Variants in SLC47A1 observed in about 807,000 individuals in gnomAD.
SLC47A1 encodes solute carrier family 47 member 1, also known as multidrug and toxin extrusion protein 1.
Under a neutral mutation model 65.8 loss-of-function variants are expected in SLC47A1, and 58 were observed. The observed-to-expected ratio is 0.88, with a 90% CI of 0.71 to 1.10. SLC47A1 has a LOEUF of 1.10. SLC47A1 is among the 50% of genes least tolerant of loss of function. The probability of loss-of-function intolerance (pLI) is 0.00; values close to 1 mark genes in which losing one functional copy is unlikely to be tolerated. For synonymous variants in SLC47A1, 285 were observed against 295.0 expected (o/e 0.97, Z 0.35); for missense variants, 706 against 719.2 (o/e 0.98, Z 0.21).
chr17:19,559,913 C>T (rs2084293925), intron 10 of SLC47A1, among the ~76,000 whole-genome samples: 1 of 152,072 alleles, frequency 6.6e-6, no homozygotes, highest in African/African-American at 2.4e-5. Flanking sequence ...CCCCCGACAC[C>T]CAGAGGAGGA....
chr17:19,576,496 A>G (rs1020893651), intron 16 of SLC47A1, among the ~76,000 whole-genome samples: 1 of 151,136 alleles, frequency 6.6e-6, no homozygotes, highest in African/African-American at 2.4e-5. Flanking sequence ...GACTATAGGC[A>G]TACGCCATCA....
chr17:19,567,243 C>T lies in SLC47A1; in HGVS notation c.1309+15C>T. 6.2e-7 allele frequency: 1 copy of T among 1,614,124 alleles called. No homozygotes were observed. Among genetic ancestry groups the T allele is most frequent in the Non-Finnish European group, 8.5e-7 (1 of 1,180,030 alleles). ...TGGAGTGATGGGTAAGCTCTAACCT[C>T]TGCAGGCAGGGCTTAGCTGCTCACC... On this transcript the variant is annotated intron_variant, in intron 14 of 16. Coordinates refer to ENST00000270570, the MANE Select transcript of SLC47A1 (RefSeq NM_018242.3).
intron 14 of SLC47A1, among the ~76,000 whole-genome samples, chr17:19,569,480 T>C (rs541294896): frequency 6.6e-6 from 1 of 152,298 alleles, no homozygotes; most frequent in East Asian, 1.9e-4. Context: ...AAGCCTATAG[T>C]CAATCCCCCC....
At chr17:19,546,352 A>G (rs1916290206) in intron 2 of SLC47A1, 83 bp from the exon 3 acceptor site, 1 of 1,365,758 alleles carries the variant, frequency 7.3e-7, no homozygotes, top group Admixed American at 1.9e-5. Context: ...GGAGCTTTGC[A>G]GGCTCTTATC....
rs67441443 is a variant in SLC47A1, at chr17:19,557,897, CAAA to C, written c.921+1850_921+1852del. On this transcript the variant is annotated intron_variant, in intron 10 of 16. Transcript: ENST00000270570. ...GTAAATAAAAGTTATACTTTCCCTC[CAAA>C]AAAAAAAAAAAAAAGATTCATAAAA... 3.3e-3 allele frequency: 470 copies of C among 142,724 alleles called. 1 individual carries two copies. Among genetic ancestry groups the C allele is most frequent in the South Asian group, 0.012 (64 of 5,556 alleles). The allele number at this position is 142,724 out of a possible 1,614,324, so 8.8% of individuals were successfully genotyped here. A position where few individuals can be genotyped will look rare whatever the true frequency, so the allele number is the denominator to read the frequency against.
intron 2 of SLC47A1, among the ~76,000 whole-genome samples, chr17:19,545,499 TTTTTTTTTTG>T (rs1916263585): frequency 6.7e-6 from 1 of 148,632 alleles, no homozygotes; most frequent in Non-Finnish European, 1.5e-5. Flanking sequence ...GCCAGAAATT[TTTTTTTTTTG>T]AGACAGGGTC....
Position 19,560,449 on chromosome 17 carries a change from G to A in SLC47A1, c.1062G>A (p.Leu354=), listed in dbSNP as rs772322687. 6.8e-6 allele frequency: 11 copies of A among 1,614,078 alleles called. No homozygotes were observed. In the South Asian group the frequency reaches 1.1e-4, roughly 16 times the overall value. ...VLFAVAFSVL[L]LSCKDHVGYI... is the part of the protein sequence containing the mutation. ...TTGCTGTAGCCTTCAGTGTCCTGCT[G>A]TTAAGCTGTAAGGATCACGTGGGGT... The change falls in exon 12 of 17, where the codon CTG becomes CTA. Residue 354 remains leucine, a synonymous_variant. Coordinates refer to ENST00000270570, the MANE Select transcript of SLC47A1 (RefSeq NM_018242.3).
intron 14 of SLC47A1, 87 bp downstream of exon 14, chr17:19,567,315 C>A: frequency 6.3e-7 from 1 of 1,579,732 alleles, no homozygotes; most frequent in South Asian, 1.1e-5. Context: ...GACTGAGGCT[C>A]ACCTCTGAAA....
At chr17:19,537,281 G>T (rs1916013996) in intron 1 of SLC47A1, among the ~76,000 whole-genome samples, 1 of 152,186 alleles carries the variant, frequency 6.6e-6, no homozygotes, top group South Asian at 2.1e-4. Context: ...GTTGAGGGGG[G>T]TGAGGTGGGG....
intron 12 of SLC47A1, among the ~76,000 whole-genome samples, chr17:19,565,277 A>G (rs1413538770): frequency 6.6e-6 from 1 of 152,154 alleles, no homozygotes. Context: ...CGTTCCATAG[A>G]GGGAACTTAA....
In SLC47A1 at chr17:19,533,912, C is replaced by T. The variant is rs1213913998; in HGVS notation, c.-28C>T. ...CCGCGGTACCCACTGCCGGCCTCCG[C>T]GCTACCCGGCCGCAGCGCGCGAGTC... On this transcript the variant is annotated 5_prime_UTR_variant, in exon 1 of 17. Transcript: ENST00000270570. 10 of 1,473,486 alleles carry T rather than the reference C, an allele frequency of 6.8e-6. No homozygotes were observed. The highest frequency in any genetic ancestry group is 1.3e-5 in the South Asian group (1 of 76,750). 91.3% of individuals were successfully genotyped at this position (1,473,486 alleles called of 1,614,324 possible). A position where few individuals can be genotyped will look rare whatever the true frequency, so the allele number is the denominator to read the frequency against.
At chr17:19,563,479 A>G (rs2084331653) in intron 12 of SLC47A1, among the ~76,000 whole-genome samples, 1 of 152,066 alleles carries the variant, frequency 6.6e-6, no homozygotes, top group Non-Finnish European at 1.5e-5. Context: ...AGAAGGTTCC[A>G]AAGGATAATT....
Position 19,577,763 on chromosome 17 carries a change from G to A in SLC47A1, c.*210G>A. 7.2e-7 allele frequency: 1 copy of A among 1,389,730 alleles called. No individual in the cohort carries two copies. The highest frequency in any genetic ancestry group is 1.5e-5 in the South Asian group (1 of 65,200). The allele number at this position is 1,389,730 out of a possible 1,614,324, so 86.1% of individuals were successfully genotyped here. ...TGGCCCAAGACACTGTCTGAAAGAT[G>A]ACATGAGTAGTAATTCACCACTATC... On this transcript the variant is annotated 3_prime_UTR_variant, in exon 17 of 17. Transcript: ENST00000270570.
intron 12 of SLC47A1, among the ~76,000 whole-genome samples, chr17:19,561,952 G>C (rs1221923006): frequency 6.6e-6 from 1 of 152,178 alleles, no homozygotes; most frequent in Non-Finnish European, 1.5e-5. Context: ...TCTCACCAGT[G>C]AGCTGTCTCA....
At position 19,571,588 on chromosome 17, in the gene SLC47A1, C is replaced by A; in HGVS notation, c.1404+16C>A. ...CTGTCAGCAGGTAACTATGTTCATT[C>A]TGTCCCGGTAAAGGTTCCTCTCCTA... is the stretch of plus-strand genomic sequence containing the variant. On this transcript the variant is annotated intron_variant, in intron 15 of 16. Coordinates refer to ENST00000270570, the MANE Select transcript of SLC47A1 (RefSeq NM_018242.3). The A allele has an allele frequency of 6.3e-7, 1 of 1,599,518 alleles. No homozygotes were observed. The highest frequency in any genetic ancestry group is 8.6e-7 in the Non-Finnish European group (1 of 1,167,264).
In SLC47A1 at chr17:19,556,155, G is replaced by T. The variant is rs561153591; in HGVS notation, c.921+93G>T. On this transcript the variant is annotated intron_variant, in intron 10 of 16. Transcript: ENST00000270570. ...TGGATGAGCACAGGCATTCGTACAT[G>T]AATCATTTGTGAAATGATGGACAAA... 5.0e-6 allele frequency: 7 copies of T among 1,404,176 alleles called. No individual in the cohort carries two copies. The Admixed American group carries it at 1.3e-4, about 26-fold the overall frequency. 87.0% of individuals were successfully genotyped at this position (1,404,176 alleles called of 1,614,324 possible).
At chr17:19,562,542 G>A (rs2084321150) in intron 12 of SLC47A1, among the ~76,000 whole-genome samples, 1 of 149,058 alleles carries the variant, frequency 6.7e-6, no homozygotes, top group Non-Finnish European at 1.5e-5. Flanking sequence ...TCCAGCCTGG[G>A]CAACAGAGTG....
intron 1 of SLC47A1, among the ~76,000 whole-genome samples, chr17:19,537,863 A>G (rs2152311763): frequency 6.6e-6 from 1 of 152,160 alleles, no homozygotes; most frequent in East Asian, 1.9e-4. Flanking sequence ...CAGCCTGGAA[A>G]GTCCTCCCCG....
At chr17:19,574,702 T>C (rs560658471) in intron 16 of SLC47A1, among the ~76,000 whole-genome samples, 17 of 152,148 alleles carry the variant, frequency 1.1e-4, no homozygotes, top group East Asian at 7.8e-4. Flanking sequence ...TCGTTTTCAC[T>C]GCAACCTCTA....
Sources: allele counts gnomAD v4.1 joint callset (sites outside exome capture counted in the v4.1 genomes callset), GRCh38; gene constraint gnomAD v4.1.1; transcripts MANE v1.5; gene names NCBI Gene and HGNC (gene_info 2026-07-23, HGNC 2026-07-21).